The following TNR variants were observed in gnomAD, a reference collection of about 807,000 sequenced individuals.
The protein encoded by TNR is tenascin-R.
Under a neutral mutation model 150.4 loss-of-function variants are expected in TNR, and 45 were observed. The ratio of observed to expected loss-of-function variants is 0.30; its 90% CI spans 0.24 to 0.38. The LOEUF (loss-of-function observed/expected upper bound fraction) is 0.38, where lower values mean the gene tolerates loss of function less well. Ranked by LOEUF, TNR falls within the 10% of genes least tolerant of loss-of-function variation. TNR has a pLI of 1.00. For missense variants in TNR, 1,544 were observed against 1,759.1 expected (o/e 0.88, Z 2.19); for synonymous variants, 687 against 678.4 (o/e 1.01, Z -0.20).
At chr1:175,729,067 C>T (rs1474442377) in intron 1 of TNR, among the ~76,000 whole-genome samples, 7 of 152,158 alleles carry the variant, frequency 4.6e-5, no homozygotes. Flanking sequence ...ACTCACAACC[C>T]TAGTGTTCCA....
chr1:175,689,064 T>C (rs1666282241), intron 1 of TNR, among the ~76,000 whole-genome samples: 1 of 152,260 alleles, frequency 6.6e-6, no homozygotes. Flanking sequence ...ACTAGAGTTC[T>C]TGGCATCCTG....
At position 175,511,472 on chromosome 1, in the gene TNR, A is replaced by C. The variant is rs527851099; in HGVS notation, c.-64+16797T>G. ...TTGATAGAGGAATGATGGATTGTGAAGTCTAAGGTTTTATTGTACTGCAAT... is the reference window on the plus strand; with the variant it reads ...TTGATAGAGGAATGATGGATTGTGACGTCTAAGGTTTTATTGTACTGCAAT... On this transcript the variant is annotated intron_variant, in intron 2 of 22. Transcript: ENST00000367674. Among the ~76,000 whole-genome samples, 5 of 152,358 alleles carry C rather than the reference A, an allele frequency of 3.3e-5. No homozygotes were observed. In the South Asian group the frequency reaches 1.0e-3, roughly 32 times the overall value.
At chr1:175,458,523 T>C (rs1336469600) in intron 2 of TNR, among the ~76,000 whole-genome samples, 1 of 152,148 alleles carries the variant, frequency 6.6e-6, no homozygotes, top group African/African-American at 2.4e-5. Context: ...GTCACCACAG[T>C]GTACAGCTGT....
chr1:175,640,323 T>C (rs778028196), intron 1 of TNR, among the ~76,000 whole-genome samples: 5 of 152,162 alleles, frequency 3.3e-5, no homozygotes, highest in Middle Eastern at 3.2e-3. Context: ...TTTCAGAATA[T>C]TTACCATGAA....
At chr1:175,350,313 T>C (rs1248739011) in intron 18 of TNR, among the ~76,000 whole-genome samples, 1 of 152,232 alleles carries the variant, frequency 6.6e-6, no homozygotes, top group Non-Finnish European at 1.5e-5. Flanking sequence ...AGACAACCTA[T>C]TTTATAGTGC....
At chr1:175,632,318 T>C (rs1664351708) in intron 1 of TNR, among the ~76,000 whole-genome samples, 1 of 152,204 alleles carries the variant, frequency 6.6e-6, no homozygotes, top group Non-Finnish European at 1.5e-5. Context: ...CCGTGCACTG[T>C]TGTCAACAAC....
intron 9 of TNR, 82 bp downstream of exon 9, chr1:175,379,470 G>T: frequency 7.5e-7 from 1 of 1,331,034 alleles, no homozygotes; most frequent in Non-Finnish European, 1.0e-6. Context: ...CCATGGGTTT[G>T]TAAGATGTGT....
intron 2 of TNR, among the ~76,000 whole-genome samples, chr1:175,490,420 A>G (rs1461645341): frequency 6.6e-6 from 1 of 152,224 alleles, no homozygotes; most frequent in African/African-American, 2.4e-5. Flanking sequence ...AGAAACTATC[A>G]ACGGAGTGAA....
chr1:175,696,594 G>T (rs1231880838), intron 1 of TNR, among the ~76,000 whole-genome samples: 2 of 152,146 alleles, frequency 1.3e-5, no homozygotes, highest in African/African-American at 4.8e-5. Context: ...CCCTAGAGGA[G>T]AAGGCCCCAA....
intron 20 of TNR, among the ~76,000 whole-genome samples, chr1:175,332,593 T>C (rs1650001111): frequency 6.6e-6 from 1 of 152,206 alleles, no homozygotes; most frequent in Admixed American, 6.5e-5. Flanking sequence ...AAGTAAAGAC[T>C]TCTCTTTCTG....
intron 1 of TNR, among the ~76,000 whole-genome samples, chr1:175,676,314 A>G (rs997630609): frequency 2.6e-4 from 39 of 152,096 alleles, no homozygotes; most frequent in African/African-American, 9.2e-4. Flanking sequence ...CCCCTTGAAC[A>G]TCAGTTTCTG....
At chr1:175,561,535 C>CTTT (rs1661427835) in intron 1 of TNR, among the ~76,000 whole-genome samples, 1 of 152,186 alleles carries the variant, frequency 6.6e-6, no homozygotes, top group South Asian at 2.1e-4. Flanking sequence ...TTTTCAGCCT[C>CTTT]CTTGAGCTCT....
intron 2 of TNR, among the ~76,000 whole-genome samples, chr1:175,509,770 G>T (rs1198449249): frequency 2.6e-5 from 4 of 152,162 alleles, no homozygotes; most frequent in Admixed American, 2.6e-4. Flanking sequence ...AATAAAGAAT[G>T]GATGCTTTGT....
intron 1 of TNR, among the ~76,000 whole-genome samples, chr1:175,718,773 A>G (rs906599430): frequency 2.0e-5 from 3 of 152,216 alleles, no homozygotes; most frequent in Non-Finnish European, 4.4e-5. Context: ...GGGGGATTAT[A>G]TGACTTGTCT....
At chr1:175,344,260 T>C (rs1650666571) in intron 18 of TNR, among the ~76,000 whole-genome samples, 1 of 152,162 alleles carries the variant, frequency 6.6e-6, no homozygotes, top group Non-Finnish European at 1.5e-5. Context: ...CCTTTCCATC[T>C]GAGATGTGGT....
intron 2 of TNR, among the ~76,000 whole-genome samples, chr1:175,407,894 GAA>G (rs1471286478): frequency 6.6e-6 from 1 of 152,174 alleles, no homozygotes; most frequent in Non-Finnish European, 1.5e-5. Context: ...GGCTTTTCTT[GAA>G]AAGAGTGTTC....
chr1:175,467,943 T>C (rs774783294), intron 2 of TNR, among the ~76,000 whole-genome samples: 5 of 152,240 alleles, frequency 3.3e-5, no homozygotes, highest in Non-Finnish European at 7.3e-5. Context: ...GCCTTTAAAG[T>C]ACTAACATAA....
intron 1 of TNR, among the ~76,000 whole-genome samples, chr1:175,573,818 G>A (rs990513528): frequency 2.0e-5 from 3 of 152,222 alleles, no homozygotes; most frequent in Non-Finnish European, 4.4e-5. Context: ...TCCAGAATTG[G>A]AGGCTGTGGA....
At chr1:175,667,425 T>G (rs974326116) in intron 1 of TNR, among the ~76,000 whole-genome samples, 1 of 152,252 alleles carries the variant, frequency 6.6e-6, no homozygotes, top group African/African-American at 2.4e-5. Flanking sequence ...CCCATCCAGC[T>G]TGTATGTGAA....
Sources: allele counts gnomAD v4.1 joint callset (sites outside exome capture counted in the v4.1 genomes callset), GRCh38; gene constraint gnomAD v4.1.1; transcripts MANE v1.5; gene names NCBI Gene and HGNC (gene_info 2026-07-23, HGNC 2026-07-21).